Variants in NEGR1 observed in about 807,000 individuals in gnomAD.
NEGR1 encodes the protein IgLON family member 4.
A neutral mutation model predicts 40.9 loss-of-function variants in NEGR1; 10 were observed. The ratio of observed to expected loss-of-function variants is 0.24; its 90% confidence interval spans 0.15 to 0.42. NEGR1 has a LOEUF of 0.42. NEGR1 is among the 10% of genes least tolerant of loss of function. NEGR1 has a pLI of 1.00. For synonymous variants in NEGR1, 185 were observed against 166.8 expected (o/e 1.11, Z -0.84); for missense variants, 352 against 438.9 (o/e 0.80, Z 1.77).
At chr1:71,499,499 A>G (rs1646985682) in intron 6 of NEGR1, among the ~76,000 whole-genome samples, 1 of 148,094 alleles carries the variant, frequency 6.8e-6, no homozygotes, top group Admixed American at 6.8e-5. Context: ...ATATAATTGT[A>G]TATGTTATAT....
At chr1:72,107,934 C>A (rs1441721649) in intron 1 of NEGR1, among the ~76,000 whole-genome samples, 2 of 151,352 alleles carry the variant, frequency 1.3e-5, no homozygotes, top group African/African-American at 2.4e-5. Context: ...TTTGGCTAAG[C>A]CTTTATTCTA....
chr1:72,201,520 C>T (rs1557575950), intron 1 of NEGR1, among the ~76,000 whole-genome samples: 1 of 151,710 alleles, frequency 6.6e-6, no homozygotes, highest in African/African-American at 2.4e-5. Flanking sequence ...GCACGTAACT[C>T]AAGTAAAATG....
intron 2 of NEGR1, among the ~76,000 whole-genome samples, chr1:71,928,435 T>TGTGTATGCATATATAC (rs1557439281): frequency 2.5e-5 from 2 of 80,096 alleles, no homozygotes; most frequent in South Asian, 8.3e-4. Context: ...TATGTATATA[T>TGTGTATGCATATATAC]ACACATATAT....
chr1:71,550,679 C>T (rs1055256350), intron 6 of NEGR1, among the ~76,000 whole-genome samples: 4 of 151,596 alleles, frequency 2.6e-5, no homozygotes, highest in African/African-American at 9.7e-5. Context: ...TCTGAGAGTT[C>T]CCTCCTAACA....
intron 6 of NEGR1, among the ~76,000 whole-genome samples, chr1:71,453,166 T>C (rs1044458919): frequency 6.6e-6 from 1 of 152,156 alleles, no homozygotes; most frequent in Non-Finnish European, 1.5e-5. Context: ...ATTATACTTT[T>C]AAGGGCAGAT....
chr1:71,754,751 T>A (rs1655678091), intron 3 of NEGR1, among the ~76,000 whole-genome samples: 1 of 151,550 alleles, frequency 6.6e-6, no homozygotes, highest in South Asian at 2.1e-4. Flanking sequence ...TAATAGACAC[T>A]TTTCCATATA....
intron 6 of NEGR1, among the ~76,000 whole-genome samples, chr1:71,449,117 C>G (rs1646605444): frequency 6.6e-6 from 1 of 152,152 alleles, no homozygotes; most frequent in African/African-American, 2.4e-5. Flanking sequence ...GTCAGTGGCT[C>G]CCTCAACTCT....
intron 2 of NEGR1, among the ~76,000 whole-genome samples, chr1:71,902,341 C>T (rs1661165094): frequency 6.6e-6 from 1 of 152,160 alleles, no homozygotes; most frequent in African/African-American, 2.4e-5. Flanking sequence ...TCAGTTTATG[C>T]ATTTTATTAT....
intron 1 of NEGR1, among the ~76,000 whole-genome samples, chr1:72,132,836 T>C (rs1024392139): frequency 1.3e-5 from 2 of 152,158 alleles, no homozygotes; most frequent in African/African-American, 4.8e-5. Context: ...TTTAAAGATA[T>C]ATTAGTAAAG....
intron 2 of NEGR1, among the ~76,000 whole-genome samples, chr1:71,850,775 C>A (rs1249374962): frequency 3.3e-5 from 5 of 152,062 alleles, no homozygotes; most frequent in Admixed American, 6.6e-5. Context: ...CTAGGGAATA[C>A]AATATTATTT....
At chr1:72,003,079 G>T (rs76966121) in intron 1 of NEGR1, among the ~76,000 whole-genome samples, 4 of 152,076 alleles carry the variant, frequency 2.6e-5, no homozygotes, top group African/African-American at 7.2e-5. Flanking sequence ...GTGATTTAAA[G>T]AAAAGATGGA....
At chr1:71,876,195 A>C (rs188649490) in intron 2 of NEGR1, among the ~76,000 whole-genome samples, 24 of 152,228 alleles carry the variant, frequency 1.6e-4, no homozygotes, top group Admixed American at 1.0e-3. Flanking sequence ...TTTTCTTCGG[A>C]AAAGTCCAGT....
chr1:71,746,338 G>A (rs1251126684), intron 3 of NEGR1, among the ~76,000 whole-genome samples: 2 of 152,198 alleles, frequency 1.3e-5, no homozygotes, highest in Non-Finnish European at 2.9e-5. Context: ...AGAGGCAAGA[G>A]TTCAAGATTA....
intron 6 of NEGR1, among the ~76,000 whole-genome samples, chr1:71,584,734 AC>A (rs1157857963): frequency 6.6e-6 from 1 of 152,096 alleles, no homozygotes; most frequent in Non-Finnish European, 1.5e-5. Context: ...ATCTCACAGG[AC>A]CTCCAAAAGG....
chr1:71,733,884 A>G lies in NEGR1; in HGVS notation c.536-35745T>C, dbSNP rs192607856. ...ACATCTTCCCCCCACTATCAAATGGATAACTTGTTCATTGATTTCAACCAG... is the reference window on the plus strand; with the variant it reads ...ACATCTTCCCCCCACTATCAAATGGGTAACTTGTTCATTGATTTCAACCAG... On this transcript the variant is annotated intron_variant, in intron 3 of 6. Transcript: ENST00000357731. Among the ~76,000 whole-genome samples the G allele has an allele frequency of 2.2e-3, 340 of 152,324 alleles. 3 individuals are homozygous for G. The highest frequency in any genetic ancestry group is 7.4e-3 in the African/African-American group (309 of 41,580).
chr1:71,688,325 T>TATATAGATAG lies in NEGR1; in HGVS notation c.667+9682_667+9683insCTATCTATAT, dbSNP rs1475341609. On this transcript the variant is annotated intron_variant, in intron 4 of 6. Coordinates refer to ENST00000357731, the MANE Select transcript of NEGR1 (RefSeq NM_173808.3). ...TTCCCTTTTCATATATATATATATA[T>TATATAGATAG]ATAGATAGATAGATAGATAGATAGA... Among the ~76,000 whole-genome samples, 56 of 103,208 alleles carry TATATAGATAG rather than the reference T, an allele frequency of 5.4e-4. 1 individual carries two copies. The highest frequency in any genetic ancestry group is 1.7e-3 in the African/African-American group (46 of 26,762). 67.7% of individuals were successfully genotyped at this position (103,208 alleles called of 152,430 possible).
chr1:71,751,951 TGTA>T (rs998499595), intron 3 of NEGR1, among the ~76,000 whole-genome samples: 1 of 152,186 alleles, frequency 6.6e-6, no homozygotes, highest in Non-Finnish European at 1.5e-5. Flanking sequence ...TTGCTGGAAA[TGTA>T]GTGGTCATCT....
At chr1:72,205,191 C>T (rs1429277485) in intron 1 of NEGR1, among the ~76,000 whole-genome samples, 1 of 151,954 alleles carries the variant, frequency 6.6e-6, no homozygotes, top group Non-Finnish European at 1.5e-5. Flanking sequence ...TTTATATTAT[C>T]CAGGGTCAAC....
intron 2 of NEGR1, among the ~76,000 whole-genome samples, chr1:71,858,984 T>A (rs1292184958): frequency 1.3e-5 from 2 of 152,082 alleles, no homozygotes; most frequent in African/African-American, 4.8e-5. Context: ...CGTTCCTCCC[T>A]GATTTTGGCT....
Sources: gnomAD v4.1 joint callset for allele counts (sites outside exome capture counted in the v4.1 genomes callset) on GRCh38, gnomAD v4.1.1 for gene constraint, MANE v1.5 for transcripts, NCBI Gene and HGNC (gene_info 2026-07-23, HGNC 2026-07-21) for gene names.